WDR17: variants seen among roughly 807,000 people sequenced by gnomAD.
WDR17 encodes WD repeat-containing protein 17.
A neutral mutation model predicts 161.7 loss-of-function variants in WDR17; 143 were observed. That is an observed-to-expected ratio of 0.88 (90% CI 0.77 to 1.02). The LOEUF is 1.02. Ranked by LOEUF, WDR17 falls within the 50% of genes least tolerant of loss-of-function variation. WDR17 has a pLI of 0.00. For synonymous variants in WDR17, 517 were observed against 515.6 expected, an observed-to-expected ratio of 1.00 and a Z score of -0.04; for missense variants, 1,469 against 1,520.9, an observed-to-expected ratio of 0.97 and a Z score of 0.57.
chr4:176,134,381 C>T (rs998995251), intron 7 of WDR17, among the ~76,000 whole-genome samples: 2 of 151,666 alleles, frequency 1.3e-5, no homozygotes, highest in Non-Finnish European at 3.0e-5. Flanking sequence ...GTTGTAATTC[C>T]GGCTATTTAT....
chr4:176,089,970 A>G (rs1333585381), intron 1 of WDR17, among the ~76,000 whole-genome samples: 2 of 151,984 alleles, frequency 1.3e-5, no homozygotes, highest in East Asian at 3.9e-4. Flanking sequence ...GAATTTCTGT[A>G]TTTTTGCCTG....
chr4:176,149,719 A>G, intron 13 of WDR17, 88 bp from the exon 14 acceptor site: 2 of 1,521,036 alleles, frequency 1.3e-6, no homozygotes, highest in Non-Finnish European at 1.8e-6. Context: ...TCATAGCTTC[A>G]ATTCTGTAGA....
intron 1 of WDR17, among the ~76,000 whole-genome samples, chr4:176,088,043 C>T (rs1735644793): frequency 6.6e-6 from 1 of 152,002 alleles, no homozygotes; most frequent in Non-Finnish European, 1.5e-5. Flanking sequence ...AGGTTTTCAC[C>T]ATGTTGGCCA....
chr4:176,100,177 G>C (rs576068615), intron 1 of WDR17, among the ~76,000 whole-genome samples: 1 of 152,028 alleles, frequency 6.6e-6, no homozygotes, highest in East Asian at 1.9e-4. Context: ...TCCATAAAAG[G>C]TGTATTAATT....
Position 176,128,845 on chromosome 4 carries a change from C to A in WDR17, c.898C>A (p.Pro300Thr). The change falls in exon 6 of 29, where the codon CCT (proline) becomes ACT (threonine). Residue 300 changes from proline (P) to threonine (T), a missense_variant. By Grantham distance (38) the Pro-to-Thr change is conservative. Transcript: ENST00000508596. The stretch of plus-strand genomic sequence containing the variant: ...TCACTGCTTACATGTACTTAATTCT[C>A]CTCCAAGAAAAAAGTGTAAGTAAAA... ...GFHCLHVLNS[P>T]PRKKFSVQSP... 6.4e-7 allele frequency: 1 copy of A among 1,564,976 alleles called. No individual in the cohort carries two copies. Among genetic ancestry groups the A allele is most frequent in the Admixed American group, 2.1e-5 (1 of 47,824 alleles).
intron 1 of WDR17, among the ~76,000 whole-genome samples, chr4:176,084,665 G>C (rs996759832): frequency 3.3e-5 from 5 of 150,106 alleles, no homozygotes; most frequent in Non-Finnish European, 7.4e-5. Context: ...GTTATCGTTA[G>C]TTTTCTTTTA....
intron 16 of WDR17, among the ~76,000 whole-genome samples, chr4:176,151,409 C>T (rs6826418): frequency 0.05 from 7,578 of 152,062 alleles, 581 homozygotes; most frequent in African/African-American, 0.16. Context: ...ACACACACCC[C>T]AAAATATTAT....
intron 2 of WDR17, 94 bp downstream of exon 2, chr4:176,111,797 A>G: frequency 3.6e-6 from 4 of 1,117,516 alleles, no homozygotes; most frequent in East Asian, 3.1e-5. Context: ...TGAAAAACAT[A>G]ATGCTATAAT....
At chr4:176,150,384 C>CTGCATTATAATATTTTTGAAGA in intron 15 of WDR17, 84 bp from the exon 16 acceptor site, 1 of 1,507,934 alleles carries the variant, frequency 6.6e-7, no homozygotes, top group Non-Finnish European at 8.9e-7. Context: ...TTAGATATGC[C>CTGCATTATAATATTTTTGAAGA]TGCATTATAA....
intron 1 of WDR17, among the ~76,000 whole-genome samples, chr4:176,092,363 T>G (rs533775344): frequency 2.6e-5 from 4 of 152,172 alleles, no homozygotes; most frequent in Non-Finnish European, 5.9e-5. Context: ...TTTCAATTGA[T>G]GCTGAAAAAG....
At chr4:176,078,282 A>T (rs189058654) in intron 1 of WDR17, among the ~76,000 whole-genome samples, 20 of 152,228 alleles carry the variant, frequency 1.3e-4, no homozygotes, top group Non-Finnish European at 2.8e-4. Flanking sequence ...TTTTTTTCCC[A>T]TCACTGAACC....
At chr4:176,110,678 G>A (rs1266239586) in intron 1 of WDR17, among the ~76,000 whole-genome samples, 1 of 152,154 alleles carries the variant, frequency 6.6e-6, no homozygotes, top group Non-Finnish European at 1.5e-5. Flanking sequence ...GAGGAATTTA[G>A]AGTTTACATA....
intron 1 of WDR17, among the ~76,000 whole-genome samples, chr4:176,079,508 CAT>C (rs528822026): frequency 5.9e-5 from 9 of 152,244 alleles, no homozygotes; most frequent in South Asian, 2.1e-4. Flanking sequence ...AAAATTTACA[CAT>C]AGTCTTTACT....
At chr4:176,106,281 T>A (rs1054029486) in intron 1 of WDR17, among the ~76,000 whole-genome samples, 2 of 151,558 alleles carry the variant, frequency 1.3e-5, no homozygotes, top group Admixed American at 1.3e-4. Flanking sequence ...CAAATATATA[T>A]AAATTTATAT....
intron 9 of WDR17, among the ~76,000 whole-genome samples, chr4:176,138,379 C>T (rs1449205502): frequency 6.6e-6 from 1 of 151,704 alleles, no homozygotes; most frequent in Non-Finnish European, 1.5e-5. Flanking sequence ...AGTAGTCCTG[C>T]TCCCCCACTA....
chr4:176,127,187 C>G (rs1329750128), intron 5 of WDR17, among the ~76,000 whole-genome samples: 4 of 152,134 alleles, frequency 2.6e-5, no homozygotes, highest in South Asian at 2.1e-4. Context: ...TGGAACCAAT[C>G]TCCCATGGAT....
At chr4:176,078,352 C>T (rs1253180626) in intron 1 of WDR17, among the ~76,000 whole-genome samples, 1 of 152,028 alleles carries the variant, frequency 6.6e-6, no homozygotes, top group Non-Finnish European at 1.5e-5. Flanking sequence ...AGTTCAGGGA[C>T]TGGAATTTTA....
At chr4:176,135,447 A>C in intron 8 of WDR17, 171 bp downstream of exon 8, 1 of 704,870 alleles carries the variant, frequency 1.4e-6, no homozygotes, top group Non-Finnish European at 2.3e-6. Flanking sequence ...AGAAGAGTCT[A>C]TCTGCAGAGG....
chr4:176,142,204 G>A, intron 11 of WDR17, 135 bp downstream of exon 11: 1 of 527,940 alleles, frequency 1.9e-6, no homozygotes, highest in East Asian at 3.1e-5. Context: ...TAGCAAATGA[G>A]AAACAGCCTT....
Sources: gnomAD v4.1 joint callset for allele counts (sites outside exome capture counted in the v4.1 genomes callset) on GRCh38, gnomAD v4.1.1 for gene constraint, MANE v1.5 for transcripts, NCBI Gene and HGNC (gene_info 2026-07-23, HGNC 2026-07-21) for gene names.